The following NDFIP1 variants were observed in gnomAD, a reference collection of about 807,000 sequenced individuals.
NDFIP1 encodes NEDD4 family-interacting protein 1.
NDFIP1 carries 7 observed loss-of-function variants against 28.8 expected under a neutral mutation model. The ratio of observed to expected loss-of-function variants is 0.24; its 90% CI spans 0.14 to 0.46. The LOEUF (loss-of-function observed/expected upper bound fraction) is 0.46, where lower values mean the gene tolerates loss of function less well. NDFIP1 is among the 20% of genes least tolerant of loss of function. The probability of loss-of-function intolerance (pLI) is 0.99; values close to 1 mark genes in which losing one functional copy is unlikely to be tolerated. For missense variants in NDFIP1, 194 were observed against 269.1 expected (o/e 0.72, Z 1.95); for synonymous variants, 92 against 101.0 (o/e 0.91, Z 0.53).
Position 142,108,948 on chromosome 5 carries a change from C to A in NDFIP1, c.-27C>A. ...CCCCTTCAGCTAGCTCGCTCGCTCGCTCTGCTTCCCTGCTGCCGGCTGCGC... is the reference window on the plus strand; with the variant it reads ...CCCCTTCAGCTAGCTCGCTCGCTCGATCTGCTTCCCTGCTGCCGGCTGCGC... On this transcript the variant is annotated 5_prime_UTR_variant, in exon 1 of 8. Transcript: ENST00000253814. The A allele has an allele frequency of 7.0e-7, 1 of 1,431,048 alleles. No homozygotes were observed. The allele number at this position is 1,431,048 out of a possible 1,614,324, so 88.6% of individuals were successfully genotyped here.
chr5:142,125,162 A>G (rs1007059221), intron 1 of NDFIP1, among the ~76,000 whole-genome samples: 2 of 152,112 alleles, frequency 1.3e-5, no homozygotes, highest in African/African-American at 4.8e-5. Flanking sequence ...AGCATGTGTC[A>G]GTATCTCATT....
intron 1 of NDFIP1, among the ~76,000 whole-genome samples, chr5:142,126,958 GGACCTAGATACAGAGGAAGGT>G (rs1455643493): frequency 6.6e-6 from 1 of 151,392 alleles, no homozygotes. Context: ...AATAACAATA[GGACCTAGATACAGAGGAAGGT>G]GATAAGGAGG....
intron 1 of NDFIP1, among the ~76,000 whole-genome samples, chr5:142,130,426 CAATT>C (rs1283279177): frequency 1.3e-5 from 2 of 152,048 alleles, no homozygotes; most frequent in Non-Finnish European, 2.9e-5. Flanking sequence ...ATAAGTGTCT[CAATT>C]ATTTAAGATT....
chr5:142,140,484 G>C, intron 5 of NDFIP1, 79 bp from the exon 6 acceptor site: 4 of 1,040,636 alleles, frequency 3.8e-6, no homozygotes, highest in Non-Finnish European at 5.7e-6. Flanking sequence ...CTTGCATTTT[G>C]TGATTTTGTG....
chr5:142,133,416 C>A (rs1021928968), intron 3 of NDFIP1, among the ~76,000 whole-genome samples: 1 of 152,136 alleles, frequency 6.6e-6, no homozygotes, highest in African/African-American at 2.4e-5. Context: ...TTCATAGTAA[C>A]CTTGAAAGGT....
chr5:142,131,689 C>G (rs78986499), intron 1 of NDFIP1, 119 bp from the exon 2 acceptor site: 27,163 of 671,838 alleles, frequency 0.04, 659 homozygotes, highest in Middle Eastern at 0.091. Context: ...TTGTGCATTT[C>G]AAGGCTTTCA....
Position 142,124,277 on chromosome 5 carries a change from A to G in NDFIP1, c.64-7531A>G, listed in dbSNP as rs191326760. Among the ~76,000 whole-genome samples, 431 of 152,236 alleles carry G rather than the reference A, an allele frequency of 2.8e-3. 5 individuals carry two copies. The highest frequency in any genetic ancestry group is 1.0e-2 in the African/African-American group (415 of 41,554). On this transcript the variant is annotated intron_variant, in intron 1 of 7. Coordinates refer to ENST00000253814, the MANE Select transcript of NDFIP1 (RefSeq NM_030571.4). The stretch of plus-strand genomic sequence containing the variant: ...ACCTTGCAGTGCTACTACCATAACC[A>G]TGGTTGGCTAATTAGTGCCTTCGGG...
intron 7 of NDFIP1, among the ~76,000 whole-genome samples, chr5:142,151,517 C>A (rs1297345744): frequency 6.6e-6 from 1 of 152,076 alleles, no homozygotes; most frequent in African/African-American, 2.4e-5. Context: ...AAAAAGCATT[C>A]CAGTTTTTTC....
chr5:142,124,115 A>C (rs924135189), intron 1 of NDFIP1, among the ~76,000 whole-genome samples: 4 of 152,034 alleles, frequency 2.6e-5, no homozygotes, highest in Admixed American at 1.3e-4. Flanking sequence ...GGTTTTCCTC[A>C]AGCTGGGTGC....
intron 1 of NDFIP1, among the ~76,000 whole-genome samples, chr5:142,121,419 A>G (rs1375915542): frequency 6.6e-6 from 1 of 152,228 alleles, no homozygotes; most frequent in Non-Finnish European, 1.5e-5. Context: ...ATGGATACAT[A>G]TGAAAGGAAT....
At chr5:142,145,921 G>A (rs1757383947) in intron 7 of NDFIP1, among the ~76,000 whole-genome samples, 1 of 152,276 alleles carries the variant, frequency 6.6e-6, no homozygotes, top group Middle Eastern at 3.4e-3. Flanking sequence ...CAATTTTGAA[G>A]ACTTGTGGTG....
At chr5:142,129,455 T>G (rs1395584331) in intron 1 of NDFIP1, among the ~76,000 whole-genome samples, 1 of 152,214 alleles carries the variant, frequency 6.6e-6, no homozygotes, top group Non-Finnish European at 1.5e-5. Context: ...GGGAGTACCT[T>G]AAGTTTAACA....
rs537518928 is a variant in NDFIP1, at chr5:142,117,267, C to T, written c.63+8230C>T. On this transcript the variant is annotated intron_variant, in intron 1 of 7. Transcript: ENST00000253814. ...TTTTGCTTTTTTTTTTTTTTTGAGACGGAGTCTCACTCTGTCGCCAGGCTG... is the reference window on the plus strand; with the variant it reads ...TTTTGCTTTTTTTTTTTTTTTGAGATGGAGTCTCACTCTGTCGCCAGGCTG... Among the ~76,000 whole-genome samples the T allele has an allele frequency of 1.2e-4, 17 of 142,308 alleles. 1 individual carries two copies. The South Asian group carries it at 2.2e-3, about 18-fold the overall frequency. 93.4% of individuals were successfully genotyped at this position (142,308 alleles called of 152,430 possible).
At chr5:142,115,180 C>T (rs1380546045) in intron 1 of NDFIP1, among the ~76,000 whole-genome samples, 1 of 152,124 alleles carries the variant, frequency 6.6e-6, no homozygotes, top group Admixed American at 6.6e-5. Flanking sequence ...GTGACATCCT[C>T]AGATTTATTT....
chr5:142,109,630 A>G (rs1221815556), intron 1 of NDFIP1, among the ~76,000 whole-genome samples: 1 of 152,184 alleles, frequency 6.6e-6, no homozygotes, highest in Non-Finnish European at 1.5e-5. Context: ...GTGATGCCCC[A>G]AAAGGGAGAG....
chr5:142,117,137 G>A (rs1757076477), intron 1 of NDFIP1, among the ~76,000 whole-genome samples: 1 of 152,104 alleles, frequency 6.6e-6, no homozygotes, highest in Non-Finnish European at 1.5e-5. Context: ...CATAATCAAA[G>A]GCTTGAATAC....
intron 6 of NDFIP1, chr5:142,142,887 C>T (rs1757345850): frequency 1.5e-5 from 2 of 130,478 alleles, no homozygotes; most frequent in South Asian, 2.5e-4. Context: ...CACTGCACTC[C>T]AGCCTGGGTA....
chr5:142,134,454 G>T (rs1044925822), intron 3 of NDFIP1, among the ~76,000 whole-genome samples: 1 of 152,044 alleles, frequency 6.6e-6, no homozygotes, highest in African/African-American at 2.4e-5. Flanking sequence ...ATAAAAATTC[G>T]TTTTTATAGA....
intron 1 of NDFIP1, among the ~76,000 whole-genome samples, chr5:142,109,668 C>T (rs908391987): frequency 2.6e-5 from 4 of 152,042 alleles, no homozygotes; most frequent in Non-Finnish European, 5.9e-5. Context: ...GGGCGTGTGC[C>T]GGGTGTATTT....
Sources: allele counts gnomAD v4.1 joint callset (sites outside exome capture counted in the v4.1 genomes callset), GRCh38; gene constraint gnomAD v4.1.1; transcripts MANE v1.5; gene names NCBI Gene and HGNC (gene_info 2026-07-23, HGNC 2026-07-21).